The following QPCT variants were observed in gnomAD, a reference collection of about 807,000 sequenced individuals.
QPCT encodes the protein glutaminyl-peptide cyclotransferase, also known as EC.
QPCT carries 44 observed loss-of-function variants against 43.4 expected under a neutral mutation model. The observed-to-expected ratio is 1.01, with a 90% CI of 0.80 to 1.30. The LOEUF is 1.30. Ranked by LOEUF, QPCT falls within the 50% of genes most tolerant of loss-of-function variation. QPCT has a pLI of 0.00. For synonymous variants in QPCT, 168 were observed against 168.4 expected, an observed-to-expected ratio of 1.00 and a Z score of 0.02; for missense variants, 526 against 436.5, an observed-to-expected ratio of 1.21 and a Z score of -1.83.
intron 2 of QPCT, among the ~76,000 whole-genome samples, chr2:37,358,052 G>T (rs973562068): frequency 6.7e-6 from 1 of 148,816 alleles, no homozygotes; most frequent in African/African-American, 2.5e-5. Context: ...TTAGTTTGTC[G>T]TTTGACTTTT....
intron 3 of QPCT, among the ~76,000 whole-genome samples, chr2:37,361,856 C>T (rs182429421): frequency 2.0e-5 from 3 of 152,298 alleles, no homozygotes; most frequent in African/African-American, 2.4e-5. Flanking sequence ...ACTGTGTGAA[C>T]GCTGGTAATT....
At chr2:37,348,063 CGTGTGT>C (rs10598967) in intron 1 of QPCT, among the ~76,000 whole-genome samples, 18 of 148,478 alleles carry the variant, frequency 1.2e-4, no homozygotes, top group Middle Eastern at 3.4e-3. Context: ...CGCGCGCACG[CGTGTGT>C]GTGTGTGTGT....
intron 1 of QPCT, among the ~76,000 whole-genome samples, chr2:37,349,511 ATTTCG>A (rs1672575148): frequency 6.6e-6 from 1 of 152,164 alleles, no homozygotes; most frequent in Non-Finnish European, 1.5e-5. Context: ...AACACAAGTG[ATTTCG>A]TTTCACTCTG....
chr2:37,359,540 T>C, intron 2 of QPCT, 40 bp from the exon 3 acceptor site: 4 of 1,560,398 alleles, frequency 2.6e-6, no homozygotes, highest in Non-Finnish European at 2.6e-6. Flanking sequence ...TGAAAGCCAT[T>C]TCTTTAGATC....
chr2:37,347,168 T>TATATATAA (rs1672511879), intron 1 of QPCT, among the ~76,000 whole-genome samples: 1 of 52,824 alleles, frequency 1.9e-5, no homozygotes, highest in Non-Finnish European at 3.1e-5. Flanking sequence ...ATATATAACA[T>TATATATAA]ATATATATAT....
chr2:37,371,161 G>C (rs1673065538), intron 5 of QPCT, among the ~76,000 whole-genome samples: 1 of 151,914 alleles, frequency 6.6e-6, no homozygotes, highest in Non-Finnish European at 1.5e-5. Flanking sequence ...TAAACTTCTT[G>C]GGCTTCTTCC....
intron 1 of QPCT, among the ~76,000 whole-genome samples, chr2:37,345,222 C>CG (rs1672458495): frequency 1.3e-5 from 2 of 152,318 alleles, no homozygotes; most frequent in South Asian, 4.1e-4. Flanking sequence ...GCAACGGGGC[C>CG]GGCGCTCCGG....
chr2:37,347,889 A>C (rs936170526), intron 1 of QPCT, among the ~76,000 whole-genome samples: 22 of 152,222 alleles, frequency 1.4e-4, no homozygotes, highest in Non-Finnish European at 3.1e-4. Context: ...TCTGCCTTCT[A>C]TTGAAGTCTT....
At chr2:37,350,063 C>G (rs1026916629) in intron 1 of QPCT, among the ~76,000 whole-genome samples, 2 of 152,100 alleles carry the variant, frequency 1.3e-5, no homozygotes, top group Admixed American at 1.3e-4. Context: ...AGACATTAAA[C>G]AAGTAAACAC....
At chr2:37,359,436 T>G in intron 2 of QPCT, 144 bp from the exon 3 acceptor site, 1 of 740,524 alleles carries the variant, frequency 1.4e-6, no homozygotes, top group South Asian at 1.9e-5. Flanking sequence ...AAGCAATTAT[T>G]AATTGCAATA....
At chr2:37,362,287 T>TC (rs1672870210) in intron 3 of QPCT, among the ~76,000 whole-genome samples, 1 of 152,240 alleles carries the variant, frequency 6.6e-6, no homozygotes, top group South Asian at 2.1e-4. Flanking sequence ...AGCTAGAACT[T>TC]TCAAGGCCCT....
chr2:37,354,191 G>T (rs923749138), intron 2 of QPCT, among the ~76,000 whole-genome samples: 34 of 152,178 alleles, frequency 2.2e-4, no homozygotes, highest in African/African-American at 1.2e-4. Flanking sequence ...CCAGTGTACA[G>T]CCTCTGCCTC....
chr2:37,357,700 T>G (rs1456578965), intron 2 of QPCT, among the ~76,000 whole-genome samples: 1 of 152,174 alleles, frequency 6.6e-6, no homozygotes, highest in African/African-American at 2.4e-5. Context: ...GGGAATCATT[T>G]GTTTAGTTGG....
At chr2:37,358,451 C>CAAAACAAAACAAAAA (rs1672793042) in intron 2 of QPCT, among the ~76,000 whole-genome samples, 1 of 151,704 alleles carries the variant, frequency 6.6e-6, no homozygotes, top group African/African-American at 2.4e-5. Context: ...CAAAACAAAA[C>CAAAACAAAACAAAAA]AAAACAAAAC....
chr2:37,345,062 G>T (rs1672453248), intron 1 of QPCT, among the ~76,000 whole-genome samples: 1 of 152,142 alleles, frequency 6.6e-6, no homozygotes, highest in Admixed American at 6.5e-5. Flanking sequence ...TTCTGGAGAC[G>T]CCAGGGGGGC....
intron 3 of QPCT, among the ~76,000 whole-genome samples, chr2:37,360,609 G>A (rs1672842157): frequency 6.6e-6 from 1 of 152,204 alleles, no homozygotes; most frequent in South Asian, 2.1e-4. Context: ...AGAGCTTTAT[G>A]AAGGGTCCAG....
At chr2:37,368,060 A>G (rs1673001773) in intron 4 of QPCT, among the ~76,000 whole-genome samples, 1 of 152,126 alleles carries the variant, frequency 6.6e-6, no homozygotes, top group South Asian at 2.1e-4. Context: ...TATAAGTCTG[A>G]AGAACATGGG....
intron 1 of QPCT, 64 bp from the exon 2 acceptor site, chr2:37,352,725 C>A: frequency 6.4e-7 from 1 of 1,550,676 alleles, no homozygotes; most frequent in South Asian, 1.2e-5. Flanking sequence ...TAATTGAAAA[C>A]ATGTCAGAGT....
chr2:37,348,553 C>T (rs966223622), intron 1 of QPCT, among the ~76,000 whole-genome samples: 3 of 152,186 alleles, frequency 2.0e-5, no homozygotes, highest in Non-Finnish European at 4.4e-5. Flanking sequence ...CTTGCATTGG[C>T]TGCATTTCTG....
Sources: allele counts gnomAD v4.1 joint callset (sites outside exome capture counted in the v4.1 genomes callset), GRCh38; gene constraint gnomAD v4.1.1; transcripts MANE v1.5; gene names NCBI Gene and HGNC (gene_info 2026-07-23, HGNC 2026-07-21).